ZNF846: variants seen among roughly 807,000 people sequenced by gnomAD.
ZNF846 encodes zinc finger protein 420 pseudogene.
Under a neutral mutation model 16.0 loss-of-function variants are expected in ZNF846, and 15 were observed. That is an observed-to-expected ratio of 0.94 (90% confidence interval 0.63 to 1.45). The LOEUF is 1.45. Among genes scored for constraint, ZNF846 ranks in the 40% most tolerant of loss-of-function variants. The pLI is 0.00. For synonymous variants in ZNF846, 229 were observed against 212.0 expected (o/e 1.08, Z -0.70); for missense variants, 714 against 622.3 (o/e 1.15, Z -1.57).
At chr19:9,771,671 A>G (rs2081573867), upstream of ZNF846, among the ~76,000 whole-genome samples, 1 of 152,020 alleles carries the variant, frequency 6.6e-6, no homozygotes, top group Non-Finnish European at 1.5e-5. Flanking sequence ...TATATACCAC[A>G]TTTTTGTTAT....
chr19:9,773,629 A>C (rs1346802496), intron 1 of ZNF846, among the ~76,000 whole-genome samples: 1 of 152,116 alleles, frequency 6.6e-6, no homozygotes, highest in East Asian at 1.9e-4. Context: ...TAAAAATACA[A>C]AAATTAGCCA....
intron 1 of ZNF846, among the ~76,000 whole-genome samples, chr19:9,776,939 G>A (rs1271712512): frequency 6.6e-6 from 1 of 151,928 alleles, no homozygotes; most frequent in Non-Finnish European, 1.5e-5. Context: ...AGAAAGCTCT[G>A]AAGAGCAGCA....
intron 2 of ZNF846, chr19:9,764,703 CAAAG>C: frequency 1.8e-6 from 1 of 552,160 alleles, no homozygotes; most frequent in Non-Finnish European, 3.2e-6. Flanking sequence ...TGCCTGGGAA[CAAAG>C]AGAGAGCCCC....
At chr19:9,762,698 G>A (rs568656040) in intron 3 of ZNF846, among the ~76,000 whole-genome samples, 43 of 152,236 alleles carry the variant, frequency 2.8e-4, no homozygotes, top group African/African-American at 7.9e-4. Flanking sequence ...TTTGGCTTCC[G>A]TGGGCCACAC....
chr19:9,751,787 C>A (rs1156229071), downstream of ZNF846, among the ~76,000 whole-genome samples: 2 of 152,180 alleles, frequency 1.3e-5, no homozygotes, highest in Non-Finnish European at 2.9e-5. Flanking sequence ...TAACATCCAT[C>A]CCCTGCCCAC....
intron 4 of ZNF846, among the ~76,000 whole-genome samples, 186 bp downstream of exon 4, chr19:9,761,896 T>G (rs2045236949): frequency 6.6e-6 from 1 of 150,392 alleles, no homozygotes; most frequent in Admixed American, 6.9e-5. Context: ...AGAAAAGAGG[T>G]TGAGAAGATC....
intron 2 of ZNF846, among the ~76,000 whole-genome samples, chr19:9,763,895 C>T (rs914136244): frequency 2.0e-5 from 3 of 152,174 alleles, no homozygotes; most frequent in Non-Finnish European, 4.4e-5. Flanking sequence ...GAAACTATTG[C>T]TACAGAATAA....
chr19:9,755,799 C>CAAAAAAA (rs538572391), downstream of ZNF846, among the ~76,000 whole-genome samples: 4 of 24,702 alleles, frequency 1.6e-4, no homozygotes, highest in Admixed American at 6.6e-4. Context: ...GACTCCGTCT[C>CAAAAAAA]AAAAAAAAAA....
chr19:9,758,724 T>G (rs376309466), exon 6 of ZNF846: 1 of 1,599,338 alleles, frequency 6.3e-7, no homozygotes, highest in African/African-American at 1.4e-5. Context: ...TTTTCCAGAA[T>G]GGTTAGAGTC....
chr19:9,778,803 C>CAAAAAAAAAAAAA (rs56001426), intron 1 of ZNF846, among the ~76,000 whole-genome samples: 1 of 51,368 alleles, frequency 1.9e-5, no homozygotes, highest in Non-Finnish European at 4.1e-5. Flanking sequence ...AAACTCGTCT[C>CAAAAAAAAAAAAA]AAAAAAAAAA....
At chr19:9,772,143 G>C (rs1568328302), upstream of ZNF846, among the ~76,000 whole-genome samples, 1 of 152,056 alleles carries the variant, frequency 6.6e-6, no homozygotes, top group African/African-American at 2.4e-5. Flanking sequence ...TGACACCTTT[G>C]TCAACCATCA....
At chr19:9,774,525 G>A in intron 1 of ZNF846, 3 of 1,306,010 alleles carry the variant, frequency 2.3e-6, no homozygotes, top group Non-Finnish European at 3.3e-6. Flanking sequence ...CTGATTAAGA[G>A]CTTGAGGAAA....
intron 3 of ZNF846, 138 bp downstream of exon 3, chr19:9,763,144 C>G: frequency 3.6e-6 from 2 of 562,516 alleles, no homozygotes; most frequent in Middle Eastern, 8.3e-4. Context: ...GACTGTGTCT[C>G]AAAAAAAAAA....
chr19:9,774,033 G>A (rs548252373), intron 1 of ZNF846, among the ~76,000 whole-genome samples: 4 of 152,252 alleles, frequency 2.6e-5, no homozygotes, highest in African/African-American at 4.8e-5. Context: ...CAAAAAATGT[G>A]TAAAACATAC....
rs777637476 is a variant in ZNF846 at position 9,763,426 on chromosome 19, T to G, written c.16-18A>C. ...ACTAAGTGCTAAACCATTAAATACA[T>G]GCCAGCTTCAGCTAAGTACCATCTC... On this transcript the variant is annotated intron_variant, in intron 2 of 5. Transcript: ENST00000397902. The G allele has an allele frequency of 1.0e-5, 16 of 1,580,728 alleles. No homozygotes were observed. Among genetic ancestry groups the G allele is most frequent in the African/African-American group, 1.4e-5 (1 of 73,514 alleles).
intron 3 of ZNF846, 200 bp from the exon 4 acceptor site, chr19:9,762,368 T>C (rs932038315): frequency 4.0e-6 from 2 of 503,168 alleles, no homozygotes; most frequent in Non-Finnish European, 7.2e-6. Context: ...CCAGGTATAA[T>C]GGCTCATGCC....
downstream of ZNF846, chr19:9,757,409 T>G (rs965121337): frequency 1.5e-6 from 2 of 1,323,428 alleles, no homozygotes; most frequent in Non-Finnish European, 1.0e-6. Context: ...TTGTTCATAT[T>G]CTTTACCTTC....
chr19:9,758,473 C>T, exon 6 of ZNF846: 1 of 1,613,512 alleles, frequency 6.2e-7, no homozygotes, highest in Non-Finnish European at 8.5e-7. Flanking sequence ...CTCCAACAGT[C>T]TTTGCATTCA....
At chr19:9,776,732 A>G (rs1350836759) in intron 1 of ZNF846, among the ~76,000 whole-genome samples, 1 of 152,134 alleles carries the variant, frequency 6.6e-6, no homozygotes, top group Non-Finnish European at 1.5e-5. Flanking sequence ...CGCCACACAC[A>G]GGGAGAAGCC....
Sources: allele counts gnomAD v4.1 joint callset (sites outside exome capture counted in the v4.1 genomes callset), GRCh38; gene constraint gnomAD v4.1.1; transcripts MANE v1.5; gene names NCBI Gene and HGNC (gene_info 2026-07-23, HGNC 2026-07-21).